TMEM192: variants seen among roughly 807,000 people sequenced by gnomAD.
The protein encoded by TMEM192 is transmembrane protein 192.
A neutral mutation model predicts 26.7 loss-of-function variants in TMEM192; 20 were observed. The ratio of observed to expected loss-of-function variants is 0.75; its 90% CI spans 0.53 to 1.09. TMEM192 has a LOEUF of 1.09. TMEM192 is among the 50% of genes least tolerant of loss of function. TMEM192 has a pLI of 0.00. For synonymous variants in TMEM192, 124 were observed against 121.0 expected (o/e 1.02, Z -0.16); for missense variants, 304 against 322.6 (o/e 0.94, Z 0.44).
At chr4:165,093,097 C>CT (rs35970962) in intron 3 of TMEM192, among the ~76,000 whole-genome samples, 98,820 of 120,914 alleles carry the variant, frequency 0.82, 41,456 homozygotes, top group East Asian at 0.91. Context: ...TTTTTTTCTT[C>CT]TTTTTTTTTT....
In TMEM192 at chr4:165,099,102, CTTTTTTTTTT is replaced by C. The variant is rs1160535314; in HGVS notation, c.439+1516_439+1525del. Among the ~76,000 whole-genome samples, 51 of 126,222 alleles carry C rather than the reference CTTTTTTTTTT, an allele frequency of 4.0e-4. 1 individual carries two copies. The highest frequency in any genetic ancestry group is 3.7e-3 in the Admixed American group (46 of 12,296). The allele number at this position is 126,222 out of a possible 152,430, so 82.8% of individuals were successfully genotyped here. The stretch of plus-strand genomic sequence containing the variant: ...TTATTTACTACAACTTTTTTTCTTT[CTTTTTTTTTT>C]TTTTTTTTTTGAGATGGGGTCTCAC... On this transcript the variant is annotated intron_variant, in intron 3 of 5. Coordinates refer to ENST00000306480, the MANE Select transcript of TMEM192 (RefSeq NM_001100389.2).
At chr4:165,108,531 G>T (rs1215209950) in intron 1 of TMEM192, among the ~76,000 whole-genome samples, 1 of 152,110 alleles carries the variant, frequency 6.6e-6, no homozygotes, top group African/African-American at 2.4e-5. Context: ...CTAATCTAAG[G>T]CCTCCACTAC....
rs35641833 is a variant in TMEM192, at chr4:165,092,112, C to CTTTT, written c.440-3514_440-3511dup. Among the ~76,000 whole-genome samples, 544 of 72,076 alleles carry CTTTT rather than the reference C, an allele frequency of 7.5e-3. 121 individuals are homozygous for CTTTT. The highest frequency in any genetic ancestry group is 0.034 in the African/African-American group (498 of 14,860). 47.3% of individuals were successfully genotyped at this position (72,076 alleles called of 152,430 possible). A position where few individuals can be genotyped will look rare whatever the true frequency, so the allele number is the denominator to read the frequency against. On this transcript the variant is annotated intron_variant, in intron 3 of 5. Transcript: ENST00000306480. The stretch of plus-strand genomic sequence containing the variant: ...AATGCTGTTCTTTCTTAATGCTGTT[C>CTTTT]TTTTTTTTTTTTTTTTTTTTTTTTT...
In TMEM192 at chr4:165,103,101, G is replaced by A. The variant is rs756087383; in HGVS notation, c.28-5C>T. The stretch of plus-strand genomic sequence containing the variant: ...CTGGGTGATATCCAAGGAACCCTGG[G>A]GTGCAGAAAAACAAGCAACCTATAA... On this transcript the variant is annotated splice_polypyrimidine_tract_variant and splice_region_variant and intron_variant, in intron 1 of 5. Transcript: ENST00000306480. 3 of 1,593,196 alleles carry A rather than the reference G, an allele frequency of 1.9e-6. No homozygotes were observed. Among genetic ancestry groups the A allele is most frequent in the South Asian group, 2.3e-5 (2 of 87,440 alleles).
chr4:165,100,841 T>C lies in TMEM192; in HGVS notation c.226A>G (p.Asn76Asp). The C allele has an allele frequency of 6.2e-7, 1 of 1,614,090 alleles. No homozygotes were observed. The highest frequency in any genetic ancestry group is 8.5e-7 in the Non-Finnish European group (1 of 1,180,000). The part of the protein sequence containing the change: ...FLTGVLCSYP[N>D]PNEDKCPGNY... Reference sequence around the variant, plus strand: ...CCTGGGCACTTGTCCTCATTTGGATTAGGATAAGAACAAAGCACACCTGTT... The same window carrying C: ...CCTGGGCACTTGTCCTCATTTGGATCAGGATAAGAACAAAGCACACCTGTT... Residue 76 changes from asparagine (N) to aspartate (D), a missense_variant, in exon 3 of 6, where the codon AAT becomes GAT. Coordinates refer to ENST00000306480, the MANE Select transcript of TMEM192 (RefSeq NM_001100389.2).
Position 165,079,800 on chromosome 4 carries a change from C to A in TMEM192, c.678-4G>T, listed in dbSNP as rs1734481558. 3 of 1,613,018 alleles carry A rather than the reference C, an allele frequency of 1.9e-6. No individual in the cohort carries two copies. The highest frequency in any genetic ancestry group is 2.5e-6 in the Non-Finnish European group (3 of 1,179,492). On this transcript the variant is annotated splice_polypyrimidine_tract_variant and splice_region_variant and intron_variant, in intron 5 of 5. Transcript: ENST00000306480. ...TTCTTCTAGGCTTGAAATAGTTCTG[C>A]AAGTAATCAAGATATAAATGGGTTA...
At chr4:165,092,416 C>T (rs1734789237) in intron 3 of TMEM192, among the ~76,000 whole-genome samples, 1 of 152,144 alleles carries the variant, frequency 6.6e-6, no homozygotes, top group Admixed American at 6.5e-5. Flanking sequence ...GCCACCGCAC[C>T]CGGCCCACAG....
At chr4:165,098,033 C>T (rs1734952499) in intron 3 of TMEM192, among the ~76,000 whole-genome samples, 1 of 151,870 alleles carries the variant, frequency 6.6e-6, no homozygotes, top group Non-Finnish European at 1.5e-5. Flanking sequence ...GTTGACCAGG[C>T]TGGTCTCAAA....
At position 165,108,970 on chromosome 4, in the gene TMEM192, T is replaced by A. The variant is rs73007682; in HGVS notation, c.27+3777A>T. On this transcript the variant is annotated intron_variant, in intron 1 of 5. Coordinates refer to ENST00000306480, the MANE Select transcript of TMEM192 (RefSeq NM_001100389.2). ...CGGAGCAGTGATAGGGTTCACAGCA[T>A]TTGTTTCCCATCTCTGAGATTGCTA... Among the ~76,000 whole-genome samples, 686 of 152,322 alleles carry A rather than the reference T, an allele frequency of 4.5e-3. 4 individuals are homozygous for A. Among genetic ancestry groups the A allele is most frequent in the African/African-American group, 0.016 (657 of 41,576 alleles).
chr4:165,098,282 G>A (rs184898141), intron 3 of TMEM192, among the ~76,000 whole-genome samples: 2 of 150,186 alleles, frequency 1.3e-5, no homozygotes, highest in East Asian at 2.0e-4. Context: ...CCGCCACCAC[G>A]TTCAGCTAAT....
intron 4 of TMEM192, among the ~76,000 whole-genome samples, chr4:165,088,088 T>C (rs939691129): frequency 4.6e-5 from 7 of 152,070 alleles, no homozygotes; most frequent in Non-Finnish European, 8.8e-5. Context: ...TTTTTGTATT[T>C]TTTGTAGAGA....
intron 1 of TMEM192, among the ~76,000 whole-genome samples, chr4:165,104,821 G>T (rs750631014): frequency 1.3e-5 from 2 of 152,090 alleles, no homozygotes; most frequent in African/African-American, 2.4e-5. Context: ...ATGAGCCACC[G>T]CGCCTGGCCA....
chr4:165,105,655 AT>A (rs1393906720), intron 1 of TMEM192, among the ~76,000 whole-genome samples: 1 of 152,128 alleles, frequency 6.6e-6, no homozygotes. Flanking sequence ...TCTTTTTAAT[AT>A]TTTTTAAATT....
Position 165,079,678 on chromosome 4 carries a change from A to G in TMEM192, c.796T>C (p.Cys266Arg). The change falls in exon 6 of 6, where the codon TGT (cysteine) becomes CGT (arginine). Residue 266 changes from cysteine (C) to arginine (R), a missense_variant. Coordinates refer to ENST00000306480, the MANE Select transcript of TMEM192 (RefSeq NM_001100389.2). Reference sequence around the variant, plus strand: ...GCCTCTCACGTTCTACTTGGCTGACAGCCCAGGTCTGAGGAAGTGAGAGCC... The same window carrying G: ...GCCTCTCACGTTCTACTTGGCTGACGGCCCAGGTCTGAGGAAGTGAGAGCC... ...LLALTSSDLG[C>R]QPSRT 6.2e-7 allele frequency: 1 copy of G among 1,611,958 alleles called. No homozygotes were observed. The highest frequency in any genetic ancestry group is 8.5e-7 in the Non-Finnish European group (1 of 1,178,916).
chr4:165,093,843 G>C (rs1291022450), intron 3 of TMEM192, among the ~76,000 whole-genome samples: 1 of 151,800 alleles, frequency 6.6e-6, no homozygotes, highest in African/African-American at 2.4e-5. Context: ...GGCCTCCCTA[G>C]TAGCTGGAAT....
Position 165,097,367 on chromosome 4 carries a change from G to A in TMEM192, c.439+3261C>T, listed in dbSNP as rs533372838. Among the ~76,000 whole-genome samples, 86 of 151,750 alleles carry A rather than the reference G, an allele frequency of 5.7e-4. 2 individuals carry two copies. Among genetic ancestry groups the A allele is most frequent in the Admixed American group, 5.2e-3 (79 of 15,206 alleles). ...AAATTAGCCAGGCGTGGTGGCGGGC[G>A]AATGCAGTCCCAGCTACTCGGGAGG... On this transcript the variant is annotated intron_variant, in intron 3 of 5. Transcript: ENST00000306480.
chr4:165,110,897 A>G (rs1208118998), intron 1 of TMEM192, among the ~76,000 whole-genome samples: 1 of 152,184 alleles, frequency 6.6e-6, no homozygotes, highest in Non-Finnish European at 1.5e-5. Flanking sequence ...GCCTGCAAAC[A>G]ATGAATCCCT....
At chr4:165,089,795 C>T (rs1213880605) in intron 3 of TMEM192, among the ~76,000 whole-genome samples, 5 of 152,164 alleles carry the variant, frequency 3.3e-5, no homozygotes, top group African/African-American at 1.2e-4. Flanking sequence ...CCCTCCCAAT[C>T]TTCTTTAGTT....
chr4:165,104,152 C>T (rs1051600629), intron 1 of TMEM192, among the ~76,000 whole-genome samples: 2 of 152,170 alleles, frequency 1.3e-5, no homozygotes, highest in Admixed American at 1.3e-4. Flanking sequence ...ATTGTATATA[C>T]TTTTAATTTG....
Sources: allele counts gnomAD v4.1 joint callset (sites outside exome capture counted in the v4.1 genomes callset), GRCh38; gene constraint gnomAD v4.1.1; transcripts MANE v1.5; gene names NCBI Gene and HGNC (gene_info 2026-07-23, HGNC 2026-07-21).